HMCN1: variants seen among roughly 807,000 people sequenced by gnomAD.
The protein encoded by HMCN1 is hemicentin-1.
HMCN1 carries 321 observed loss-of-function variants against 625.9 expected under a neutral mutation model. The ratio of observed to expected loss-of-function variants is 0.51; its 90% CI spans 0.47 to 0.56. The LOEUF (loss-of-function observed/expected upper bound fraction) is 0.56. HMCN1 is among the 20% of genes least tolerant of loss of function. The pLI is 0.00. For synonymous variants in HMCN1, 2,425 were observed against 2,417.6 expected, an observed-to-expected ratio of 1.00 and a Z score of -0.09; for missense variants, 6,588 against 6,887.3, an observed-to-expected ratio of 0.96 and a Z score of 1.54.
intron 4 of HMCN1, among the ~76,000 whole-genome samples, chr1:185,892,343 A>G (rs988104897): frequency 9.2e-5 from 14 of 151,936 alleles, no homozygotes; most frequent in African/African-American, 2.9e-4. Context: ...GCTTTGTTCC[A>G]TTGCTGGTGA....
At chr1:186,029,713 CT>C (rs909607490) in intron 36 of HMCN1, among the ~76,000 whole-genome samples, 8 of 151,538 alleles carry the variant, frequency 5.3e-5, no homozygotes, top group Non-Finnish European at 8.8e-5. Context: ...CTGTTTTTCT[CT>C]TCTCTATTTA....
At chr1:185,952,956 G>A (rs1030250201) in intron 11 of HMCN1, among the ~76,000 whole-genome samples, 3 of 151,456 alleles carry the variant, frequency 2.0e-5, no homozygotes, top group African/African-American at 7.3e-5. Flanking sequence ...AGAGGTTGGG[G>A]TGCAGAAATA....
At chr1:185,860,065 T>C (rs1358742258) in intron 2 of HMCN1, among the ~76,000 whole-genome samples, 2 of 152,208 alleles carry the variant, frequency 1.3e-5, no homozygotes, top group Non-Finnish European at 2.9e-5. Flanking sequence ...GATAATACTG[T>C]ATGTTAACTT....
intron 10 of HMCN1, among the ~76,000 whole-genome samples, chr1:185,932,408 G>T (rs962864669): frequency 6.6e-6 from 1 of 151,928 alleles, no homozygotes; most frequent in Non-Finnish European, 1.5e-5. Flanking sequence ...AATAGCACAG[G>T]GATAAAGTTT....
At chr1:185,990,035 G>A (rs1652312967) in intron 21 of HMCN1, among the ~76,000 whole-genome samples, 2 of 152,064 alleles carry the variant, frequency 1.3e-5, no homozygotes, top group South Asian at 2.1e-4. Flanking sequence ...GACTCTGAGA[G>A]GGCATTGCAG....
intron 89 of HMCN1, among the ~76,000 whole-genome samples, chr1:186,142,526 G>A (rs1650035472): frequency 6.6e-6 from 1 of 152,206 alleles, no homozygotes; most frequent in Admixed American, 6.5e-5. Flanking sequence ...ATACCCAATA[G>A]TGGGATTGCA....
chr1:185,843,628 A>AG (rs1312742972), intron 1 of HMCN1, among the ~76,000 whole-genome samples: 1 of 152,166 alleles, frequency 6.6e-6, no homozygotes, highest in African/African-American at 2.4e-5. Context: ...TCTGAAAGGG[A>AG]GGAGGGCTGA....
intron 1 of HMCN1, among the ~76,000 whole-genome samples, chr1:185,784,317 C>A (rs1238735921): frequency 1.3e-5 from 2 of 152,178 alleles, no homozygotes; most frequent in African/African-American, 4.8e-5. Context: ...GGCAATGCCT[C>A]ACTCTGCCTT....
chr1:186,164,425 GAGAC>G, intron 97 of HMCN1, among the ~76,000 whole-genome samples: 1 of 151,980 alleles, frequency 6.6e-6, no homozygotes, highest in East Asian at 1.9e-4. Flanking sequence ...ATTTTTAGTA[GAGAC>G]AGACGGGGTT....
intron 36 of HMCN1, among the ~76,000 whole-genome samples, chr1:186,026,765 G>A (rs764110834): frequency 6.6e-6 from 1 of 151,952 alleles, no homozygotes; most frequent in Non-Finnish European, 1.5e-5. Context: ...CTCCCTAGTA[G>A]GGAGGACCAC....
rs114648854 is a variant in HMCN1, at chr1:185,946,520, T to C, written c.1828+12696T>C. Among the ~76,000 whole-genome samples the C allele has an allele frequency of 8.9e-3, 1,358 of 152,316 alleles. 26 individuals are homozygous for C. The highest frequency in any genetic ancestry group is 0.031 in the African/African-American group (1,283 of 41,570). On this transcript the variant is annotated intron_variant, in intron 11 of 106. Coordinates refer to ENST00000271588, the MANE Select transcript of HMCN1 (RefSeq NM_031935.3). ...GAAGGCAAGTCTAAACTTTGGCCTT[T>C]CTGTCTTATTTGAAAATTCTGTGAT...
intron 1 of HMCN1, among the ~76,000 whole-genome samples, chr1:185,745,965 G>T (rs983417223): frequency 2.0e-5 from 3 of 152,222 alleles, no homozygotes; most frequent in Non-Finnish European, 4.4e-5. Flanking sequence ...TATGGACTCT[G>T]GAAAAGGGAG....
At position 186,030,698 on chromosome 1, in the gene HMCN1, T is replaced by C. The variant is rs371695107; in HGVS notation, c.5750-7236T>C. Among the ~76,000 whole-genome samples the C allele has an allele frequency of 2.3e-4, 35 of 152,110 alleles. No individual in the cohort carries two copies. The East Asian group carries it at 4.6e-3, about 20-fold the overall frequency. On this transcript the variant is annotated intron_variant, in intron 36 of 106. Coordinates refer to ENST00000271588, the MANE Select transcript of HMCN1 (RefSeq NM_031935.3). ...ACATTTAATTTAACTACTGATGTGGTAGAGTTTATGTCTGTCATTGGTTAT... is the reference window on the plus strand; with the variant it reads ...ACATTTAATTTAACTACTGATGTGGCAGAGTTTATGTCTGTCATTGGTTAT...
chr1:185,878,381 T>G (rs1234441111), intron 4 of HMCN1, among the ~76,000 whole-genome samples: 1 of 152,200 alleles, frequency 6.6e-6, no homozygotes, highest in Non-Finnish European at 1.5e-5. Context: ...GTGGATCTGT[T>G]GCATATGGCT....
At chr1:186,041,200 G>A (rs1571764023) in intron 40 of HMCN1, 64 bp downstream of exon 40, 1 of 1,385,422 alleles carries the variant, frequency 7.2e-7, no homozygotes, top group East Asian at 2.3e-5. Flanking sequence ...AAATCATTGA[G>A]AAAGTTAAGG....
Position 186,112,905 on chromosome 1 carries a change from A to G in HMCN1, c.11083A>G (p.Ser3695Gly), listed in dbSNP as rs1412399522. ...GDTANYTCVA[S>G]NIAGKTTREF... ...TACAGCCAATTATACCTGTGTTGCCAGCAACATTGCAGGAAAGACTACAAG... is the reference window on the plus strand; with the variant it reads ...TACAGCCAATTATACCTGTGTTGCCGGCAACATTGCAGGAAAGACTACAAG... Residue 3695 changes from serine (S) to glycine (G), a missense_variant, in exon 72 of 107, where the codon AGC (serine) becomes GGC (glycine). Coordinates refer to ENST00000271588, the MANE Select transcript of HMCN1 (RefSeq NM_031935.3). 1 of 1,613,966 alleles carries G rather than the reference A, an allele frequency of 6.2e-7. No individual in the cohort carries two copies. Among genetic ancestry groups the G allele is most frequent in the African/African-American group, 1.3e-5 (1 of 74,950 alleles).
chr1:185,893,318 G>C (rs931292819), intron 4 of HMCN1, among the ~76,000 whole-genome samples: 3 of 152,146 alleles, frequency 2.0e-5, no homozygotes. Context: ...TTCCTATTCG[G>C]CCATCTTGGC....
intron 77 of HMCN1, among the ~76,000 whole-genome samples, chr1:186,118,515 G>A (rs1437304816): frequency 6.6e-6 from 1 of 152,052 alleles, no homozygotes; most frequent in Non-Finnish European, 1.5e-5. Context: ...TTACCCAAAA[G>A]AAATGAAAAC....
intron 3 of HMCN1, among the ~76,000 whole-genome samples, chr1:185,865,193 A>T (rs543499682): frequency 6.6e-6 from 1 of 152,266 alleles, no homozygotes; most frequent in South Asian, 2.1e-4. Context: ...TCTTTTTGAG[A>T]CCAGTAAGTT....
Sources: allele counts gnomAD v4.1 joint callset (sites outside exome capture counted in the v4.1 genomes callset), GRCh38; gene constraint gnomAD v4.1.1; transcripts MANE v1.5; gene names NCBI Gene and HGNC (gene_info 2026-07-23, HGNC 2026-07-21).